CFTR: variants seen among roughly 807,000 people sequenced by gnomAD.
CFTR encodes CF transmembrane conductance regulator.
In CFTR, 181 loss-of-function variants were observed where a neutral mutation model predicts 171.6. That is an observed-to-expected ratio of 1.05 (90% CI 0.93 to 1.19). The LOEUF (loss-of-function observed/expected upper bound fraction) is 1.19. CFTR is among the 50% of genes most tolerant of loss of function. The probability of loss-of-function intolerance (pLI) is 0.00; values close to 1 mark genes in which losing one functional copy is unlikely to be tolerated. For missense variants in CFTR, 1,968 were observed against 1,734.7 expected (o/e 1.13, Z -2.39); for synonymous variants, 583 against 608.0 (o/e 0.96, Z 0.60).
chr7:117,606,884 T>C, intron 18 of CFTR, 131 bp downstream of exon 18: 1 of 714,080 alleles, frequency 1.4e-6, no homozygotes, highest in Non-Finnish European at 2.5e-6. Flanking sequence ...AATTTTGTAA[T>C]TATCCAAAGC....
chr7:117,647,674 A>T (rs1382194149), intron 23 of CFTR, among the ~76,000 whole-genome samples: 3 of 130,428 alleles, frequency 2.3e-5, no homozygotes, highest in African/African-American at 3.7e-5. Flanking sequence ...ACCACCAGCT[A>T]ATACCAAAAA....
intron 22 of CFTR, among the ~76,000 whole-genome samples, chr7:117,635,035 CT>C (rs1447077733): frequency 6.6e-6 from 1 of 152,098 alleles, no homozygotes; most frequent in Non-Finnish European, 1.5e-5. Context: ...TCTGTCCATT[CT>C]TTGCAGAGGG....
rs397508682 is a variant in CFTR at position 117,665,463 on chromosome 7, T to C, written c.4141T>C (p.Tyr1381His). Residue 1381 changes from tyrosine (Y) to histidine (H), a missense_variant, in exon 26 of 27, where the codon TAC (tyrosine) becomes CAC (histidine). Tyr to His is a moderately conservative substitution (Grantham distance 83). Transcript: ENST00000003084. ...GGTATTTTCTTTCTTTTCTAGAACA[T>C]ACCAAATAATTAGAAGAACTCTAAA... ...EPSAHLDPVTYQIIRRTLKQA... is the reference protein window; with the variant it reads ...EPSAHLDPVTHQIIRRTLKQA... 1.3e-6 allele frequency: 2 copies of C among 1,587,084 alleles called. No homozygotes were observed. Among genetic ancestry groups the C allele is most frequent in the Non-Finnish European group, 1.7e-6 (2 of 1,155,690 alleles).
chr7:117,647,490 T>C (rs1174639850), intron 23 of CFTR: 1 of 151,268 alleles, frequency 6.6e-6, no homozygotes. Context: ...AGGGAGGAGG[T>C]GCCACACACT....
intron 11 of CFTR, among the ~76,000 whole-genome samples, chr7:117,577,686 A>G (rs921014198): frequency 2.0e-5 from 3 of 152,158 alleles, no homozygotes. Context: ...GCTGCTATGC[A>G]AAATACCAAT....
intron 23 of CFTR, among the ~76,000 whole-genome samples, chr7:117,646,084 CT>C (rs1792991683): frequency 6.6e-6 from 1 of 152,096 alleles, no homozygotes; most frequent in Non-Finnish European, 1.5e-5. Flanking sequence ...TCTGTGTAAT[CT>C]TAGGCAAGTT....
At chr7:117,495,113 A>G (rs1049686239) in intron 1 of CFTR, among the ~76,000 whole-genome samples, 1 of 152,122 alleles carries the variant, frequency 6.6e-6, no homozygotes, top group Non-Finnish European at 1.5e-5. Flanking sequence ...TAAAAATCCT[A>G]AATTAGAGAG....
chr7:117,588,234 AATTTTTCATC>A (rs1463413355), intron 12 of CFTR, among the ~76,000 whole-genome samples: 2 of 152,118 alleles, frequency 1.3e-5, no homozygotes, highest in Non-Finnish European at 2.9e-5. Context: ...ACATTTTCAA[AATTTTTCATC>A]ATAATTTTCA....
At chr7:117,611,504 T>C in intron 19 of CFTR, 77 bp from the exon 20 acceptor site, 1 of 922,686 alleles carries the variant, frequency 1.1e-6, no homozygotes, top group East Asian at 2.6e-5. Context: ...ATTTAGTCTT[T>C]TTCAGGTACA....
chr7:117,530,371 T>G (rs763929256), intron 3 of CFTR, among the ~76,000 whole-genome samples: 17 of 152,134 alleles, frequency 1.1e-4, no homozygotes, highest in Non-Finnish European at 2.2e-4. Context: ...ATTCTGAAAA[T>G]AATGCCATTG....
At chr7:117,624,333 T>C (rs563582393) in intron 21 of CFTR, among the ~76,000 whole-genome samples, 1 of 152,214 alleles carries the variant, frequency 6.6e-6, no homozygotes, top group East Asian at 1.9e-4. Context: ...AGGGGCATGG[T>C]CCAGGTAGAT....
At chr7:117,563,490 A>G (rs1041478483) in intron 11 of CFTR, among the ~76,000 whole-genome samples, 3 of 152,056 alleles carry the variant, frequency 2.0e-5, no homozygotes, top group African/African-American at 7.2e-5. Context: ...ATCCTTCAGG[A>G]AAGAGTGATT....
chr7:117,587,252 T>C (rs1791950057), intron 11 of CFTR, among the ~76,000 whole-genome samples: 2 of 152,156 alleles, frequency 1.3e-5, no homozygotes, highest in Non-Finnish European at 2.9e-5. Context: ...CTTGGACCCA[T>C]GGAAGCCCAG....
At chr7:117,514,482 A>G (rs1034533852) in intron 3 of CFTR, among the ~76,000 whole-genome samples, 7 of 152,212 alleles carry the variant, frequency 4.6e-5, no homozygotes, top group Non-Finnish European at 1.0e-4. Context: ...TGCAAAGGAC[A>G]TGATCTCATT....
chr7:117,572,568 G>A (rs191106222), intron 11 of CFTR, among the ~76,000 whole-genome samples: 14 of 152,226 alleles, frequency 9.2e-5, no homozygotes, highest in Admixed American at 7.2e-4. Flanking sequence ...TATAGTAGCT[G>A]TATACAAAAA....
intron 23 of CFTR, among the ~76,000 whole-genome samples, chr7:117,650,514 T>A (rs1394071026): frequency 1.3e-5 from 2 of 152,128 alleles, no homozygotes; most frequent in African/African-American, 4.8e-5. Context: ...CTACAACATC[T>A]TTGCAAGCCA....
chr7:117,569,321 C>T lies in CFTR; in HGVS notation c.1584+9666C>T, dbSNP rs184788053. On this transcript the variant is annotated intron_variant, in intron 11 of 26. Coordinates refer to ENST00000003084, the MANE Select transcript of CFTR (RefSeq NM_000492.4). ...CATTATGGAAGGGAAGAAGAGAGAA[C>T]ATTTTAAATGATACGCAATGCTCAA... is the stretch of plus-strand genomic sequence containing the variant. 3.3e-5 allele frequency among the ~76,000 whole-genome samples: 5 copies of T among 152,190 alleles called. No individual in the cohort carries two copies. The East Asian group carries it at 5.8e-4, about 18-fold the overall frequency.
intron 11 of CFTR, among the ~76,000 whole-genome samples, chr7:117,585,096 C>CT (rs1791910062): frequency 6.6e-6 from 1 of 151,778 alleles, no homozygotes; most frequent in Non-Finnish European, 1.5e-5. Flanking sequence ...TATTCTTGTC[C>CT]TTTTTTCCCG....
At chr7:117,607,230 G>A (rs565911563) in intron 18 of CFTR, among the ~76,000 whole-genome samples, 36 of 152,176 alleles carry the variant, frequency 2.4e-4, no homozygotes, top group African/African-American at 8.4e-4. Flanking sequence ...CATAAGGAAG[G>A]GACAGAAGCA....
Sources: allele counts gnomAD v4.1 joint callset (sites outside exome capture counted in the v4.1 genomes callset), GRCh38; gene constraint gnomAD v4.1.1; transcripts MANE v1.5; gene names NCBI Gene and HGNC (gene_info 2026-07-23, HGNC 2026-07-21).